The following DSTYK variants were observed in gnomAD, a reference collection of about 807,000 sequenced individuals.
DSTYK encodes dual serine/threonine and tyrosine protein kinase.
DSTYK carries 34 observed loss-of-function variants against 98.7 expected under a neutral mutation model. The ratio of observed to expected loss-of-function variants is 0.34; its 90% CI spans 0.26 to 0.46. The LOEUF (loss-of-function observed/expected upper bound fraction) is 0.46. Among genes scored for constraint, DSTYK ranks in the 20% least tolerant of loss-of-function variants. The probability of loss-of-function intolerance (pLI) is 1.00; values close to 1 mark genes in which losing one functional copy is unlikely to be tolerated. For synonymous variants in DSTYK, 462 were observed against 457.3 expected (o/e 1.01, Z -0.13); for missense variants, 962 against 1,181.7 (o/e 0.81, Z 2.73).
chr1:205,189,485 C>A (rs1465906616), intron 1 of DSTYK, among the ~76,000 whole-genome samples: 4 of 152,200 alleles, frequency 2.6e-5, no homozygotes, highest in Non-Finnish European at 4.4e-5. Flanking sequence ...TTGGGTGGCA[C>A]TAACTGAAAC....
chr1:205,181,348 A>G (rs1379470420), intron 2 of DSTYK, among the ~76,000 whole-genome samples: 1 of 151,962 alleles, frequency 6.6e-6, no homozygotes, highest in African/African-American at 2.4e-5. Flanking sequence ...GTAATATATA[A>G]CAAATGTTGG....
In DSTYK at chr1:205,183,756, C is replaced by T. The variant is rs145457802; in HGVS notation, c.654+3662G>A. 5.4e-4 allele frequency among the ~76,000 whole-genome samples: 82 copies of T among 152,238 alleles called. 2 individuals carry two copies. The East Asian group carries it at 0.012, about 23-fold the overall frequency. On this transcript the variant is annotated intron_variant, in intron 2 of 12. Coordinates refer to ENST00000367162, the MANE Select transcript of DSTYK (RefSeq NM_015375.3). ...TTCCAGGTAGCTGCTGTACAATGCC[C>T]CCAGCAGTAAGCTGAGCATTGCTGA...
At position 205,181,656 on chromosome 1, in the gene DSTYK, T is replaced by TTGTGTG. The variant is rs35775611; in HGVS notation, c.654+5756_654+5761dup. 6.6e-3 allele frequency among the ~76,000 whole-genome samples: 935 copies of TTGTGTG among 142,614 alleles called. 14 individuals carry two copies. The highest frequency in any genetic ancestry group is 0.022 in the African/African-American group (845 of 37,582). 93.6% of individuals were successfully genotyped at this position (142,614 alleles called of 152,430 possible). A position where few individuals can be genotyped will look rare whatever the true frequency, so the allele number is the denominator to read the frequency against. On this transcript the variant is annotated intron_variant, in intron 2 of 12. Transcript: ENST00000367162. ...AGATGTGAGCCACAGATGTTGGGGTTTGTGTGTGTGTGTGTGTGTGTGTGT... is the reference window on the plus strand; with the variant it reads ...AGATGTGAGCCACAGATGTTGGGGTTTGTGTGTGTGTGTGTGTGTGTGTGTGTGTGT...
chr1:205,166,027 A>C (rs111959105), intron 3 of DSTYK, among the ~76,000 whole-genome samples: 1 of 152,094 alleles, frequency 6.6e-6, no homozygotes, highest in South Asian at 2.1e-4. Context: ...GTCTCAAAAA[A>C]AAATAAATAA....
chr1:205,170,211 G>A (rs1007728697), intron 2 of DSTYK, among the ~76,000 whole-genome samples: 8 of 152,146 alleles, frequency 5.3e-5, no homozygotes, highest in Non-Finnish European at 8.8e-5. Context: ...CTGGGAGTGA[G>A]TCGACCTGGG....
At chr1:205,211,702 CGCAGT>C (rs1659393286), upstream of DSTYK, 20 of 883,124 alleles carry the variant, frequency 2.3e-5, no homozygotes, top group South Asian at 3.9e-4. Context: ...CAAACCAAAC[CGCAGT>C]GCGCCGCTAT....
intron 2 of DSTYK, among the ~76,000 whole-genome samples, chr1:205,174,407 G>A (rs1003371433): frequency 3.3e-5 from 5 of 151,732 alleles, no homozygotes; most frequent in African/African-American, 1.2e-4. Flanking sequence ...CAGCTACTCA[G>A]GAGGCTGAGG....
In DSTYK at chr1:205,187,723, G is replaced by T; in HGVS notation, c.349C>A (p.Leu117Ile). The change falls in exon 2 of 13, where the codon CTC becomes ATC. Residue 117 changes from leucine (L) to isoleucine (I), a missense_variant. By Grantham distance (5) the Leu-to-Ile change is conservative. Around this residue, in one of 4 missense-constraint regions of DSTYK, gnomAD observed 660 missense variants for 855.0 expected, o/e 0.77. Transcript: ENST00000367162. ...CACTTGACGTTACAATCCTGGCCGA[G>T]GATCAGTATGCAAGGGAGGCAGTCC... ...IVDCLPCILI[L>I]GQDCNVKCQL... 1 of 1,614,208 alleles carries T rather than the reference G, an allele frequency of 6.2e-7. No individual in the cohort carries two copies. The highest frequency in any genetic ancestry group is 8.5e-7 in the Non-Finnish European group (1 of 1,180,040).
Position 205,146,444 on chromosome 1 carries a change from G to T in DSTYK, c.*1114C>A, listed in dbSNP as rs1426799564. On this transcript the variant is annotated 3_prime_UTR_variant, in exon 13 of 13. Coordinates refer to ENST00000367162, the MANE Select transcript of DSTYK (RefSeq NM_015375.3). The stretch of plus-strand genomic sequence containing the variant: ...CAAAAGAAAAGACTCAAAGGTAAAA[G>T]AACAGATTCTGTTCTGGGGTTAGCA... 6.6e-6 allele frequency: 1 copy of T among 152,072 alleles called. No individual in the cohort carries two copies. Among genetic ancestry groups the T allele is most frequent in the Non-Finnish European group, 1.5e-5 (1 of 68,018 alleles). The allele number at this position is 152,072 out of a possible 1,614,324, so 9.4% of individuals were successfully genotyped here. A position where few individuals can be genotyped will look rare whatever the true frequency, so the allele number is the denominator to read the frequency against.
intron 1 of DSTYK, among the ~76,000 whole-genome samples, chr1:205,207,587 C>T (rs1478786460): frequency 1.3e-5 from 2 of 150,060 alleles, no homozygotes; most frequent in African/African-American, 4.9e-5. Context: ...CCTGTCTCTA[C>T]TAAAAATACA....
rs1030585972 is a variant in DSTYK at position 205,147,672 on chromosome 1, G to T, written c.2676C>A (p.Asp892Glu). ...WQLMEACWDG[D>E]PLKRPLLGIV... ...TGCCCAAGAGAGGCCTCTTCAAGGG[G>T]TCGCCATCCCAACAGGCTTCCATCA... Residue 892 changes from aspartate to glutamate, a missense_variant, in exon 13 of 13, where the codon GAC becomes GAA. Transcript: ENST00000367162. The T allele has an allele frequency of 1.2e-6, 2 of 1,614,134 alleles. No homozygotes were observed. The highest frequency in any genetic ancestry group is 1.7e-6 in the Non-Finnish European group (2 of 1,180,022).
chr1:205,209,774 G>C (rs1659315864), intron 1 of DSTYK, among the ~76,000 whole-genome samples: 1 of 152,064 alleles, frequency 6.6e-6, no homozygotes, highest in Non-Finnish European at 1.5e-5. Flanking sequence ...CGCAAAGTCA[G>C]AACAATTCAT....
intron 10 of DSTYK, among the ~76,000 whole-genome samples, chr1:205,153,933 C>T (rs10900454): frequency 0.19 from 28,241 of 147,646 alleles, 3,475 homozygotes; most frequent in East Asian, 0.52. Context: ...AGGCTGGTCT[C>T]GAACTCCTGA....
At chr1:205,185,450 C>T (rs1658533716) in intron 2 of DSTYK, among the ~76,000 whole-genome samples, 1 of 152,018 alleles carries the variant, frequency 6.6e-6, no homozygotes, top group Non-Finnish European at 1.5e-5. Flanking sequence ...TAGGTTCAAG[C>T]AATCCTCATG....
At chr1:205,202,117 GGGGAA>G (rs147957741) in intron 1 of DSTYK, 142 of 449,730 alleles carry the variant, frequency 3.2e-4, no homozygotes, top group East Asian at 2.2e-3. Flanking sequence ...GAAGGGAGAA[GGGGAA>G]GGGAAGGGAA....
intron 3 of DSTYK, 60 bp from the exon 4 acceptor site, chr1:205,164,015 T>G: frequency 7.1e-7 from 1 of 1,404,810 alleles, no homozygotes. Flanking sequence ...ACACACTAAA[T>G]AAAGTCATCT....
At chr1:205,176,776 C>G (rs1394967859) in intron 2 of DSTYK, among the ~76,000 whole-genome samples, 2 of 152,058 alleles carry the variant, frequency 1.3e-5, no homozygotes, top group African/African-American at 4.8e-5. Flanking sequence ...GAAGTAATCA[C>G]TCAATCACTG....
At chr1:205,177,026 C>T (rs982680264) in intron 2 of DSTYK, among the ~76,000 whole-genome samples, 1 of 151,486 alleles carries the variant, frequency 6.6e-6, no homozygotes, top group African/African-American at 2.4e-5. Context: ...GGCAATATGG[C>T]GAGACTCCAT....
intron 1 of DSTYK, among the ~76,000 whole-genome samples, chr1:205,190,692 G>A (rs574402217): frequency 2.0e-5 from 3 of 150,000 alleles, no homozygotes; most frequent in East Asian, 2.0e-4. Flanking sequence ...CATAGTCTCA[G>A]CTCGAGCAGT....
Sources: gnomAD v4.1 joint callset for allele counts (sites outside exome capture counted in the v4.1 genomes callset) on GRCh38, gnomAD v4.1.1 for gene constraint, gnomAD v4.1.1 regional missense constraint, MANE v1.5 for transcripts, NCBI Gene and HGNC (gene_info 2026-07-23, HGNC 2026-07-21) for gene names.